NT5DC1: variants seen among roughly 807,000 people sequenced by gnomAD.
NT5DC1 encodes the protein 5'-nucleotidase domain containing 1.
In NT5DC1, 42 loss-of-function variants were observed where a neutral mutation model predicts 59.4. The observed-to-expected ratio is 0.71, with a 90% CI of 0.55 to 0.92. NT5DC1 has a LOEUF of 0.92. Ranked by LOEUF, NT5DC1 falls within the 40% of genes least tolerant of loss-of-function variation. The pLI, the probability that NT5DC1 is intolerant of heterozygous loss-of-function variation, is 0.00. For missense variants in NT5DC1, 501 were observed against 537.1 expected (o/e 0.93, Z 0.66); for synonymous variants, 172 against 188.1 (o/e 0.91, Z 0.70).
chr6:116,130,865 G>A (rs781631158), intron 6 of NT5DC1, among the ~76,000 whole-genome samples: 6 of 151,536 alleles, frequency 4.0e-5, no homozygotes, highest in South Asian at 4.2e-4. Flanking sequence ...ACCAATATTC[G>A]TACCAGAATA....
intron 6 of NT5DC1, among the ~76,000 whole-genome samples, chr6:116,139,248 C>T (rs770538617): frequency 2.6e-5 from 4 of 152,064 alleles, no homozygotes; most frequent in Admixed American, 6.5e-5. Flanking sequence ...AAAGAAGTCT[C>T]TCAGTCTACT....
At chr6:116,218,814 T>G (rs1337953612) in intron 6 of NT5DC1, among the ~76,000 whole-genome samples, 2 of 150,110 alleles carry the variant, frequency 1.3e-5, no homozygotes, top group Non-Finnish European at 2.9e-5. Context: ...TTTTGTTAGT[T>G]TTGGTCTGGT....
At chr6:116,188,225 C>A (rs1278563071) in intron 6 of NT5DC1, among the ~76,000 whole-genome samples, 1 of 151,970 alleles carries the variant, frequency 6.6e-6, no homozygotes, top group Non-Finnish European at 1.5e-5. Flanking sequence ...GCAAAGAGAA[C>A]CCTTAAACTG....
Position 116,248,148 on chromosome 6 carries a change from G to A in NT5DC1, c.*4124G>A, listed in dbSNP as rs1393356447. The A allele has an allele frequency of 1.3e-5, 2 of 152,202 alleles. No homozygotes were observed. Among genetic ancestry groups the A allele is most frequent in the Admixed American group, 6.5e-5 (1 of 15,278 alleles). The allele number at this position is 152,202 out of a possible 1,614,324, so 9.4% of individuals were successfully genotyped here. A position where few individuals can be genotyped will look rare whatever the true frequency, so the allele number is the denominator to read the frequency against. On this transcript the variant is annotated 3_prime_UTR_variant, in exon 12 of 12. Transcript: ENST00000319550. ...AACATTTGTATGCCAAATTTATTAC[G>A]ATAGCTGTGATAGAGTAGAAGTTAT...
intron 6 of NT5DC1, chr6:116,120,591 G>T: frequency 1.3e-6 from 2 of 1,587,516 alleles, no homozygotes; most frequent in Admixed American, 1.8e-5. Context: ...GGCCCAGGGG[G>T]CCCTGGAAGA....
At chr6:116,103,000 C>T (rs1478060667) in intron 1 of NT5DC1, among the ~76,000 whole-genome samples, 1 of 152,206 alleles carries the variant, frequency 6.6e-6, no homozygotes, top group Non-Finnish European at 1.5e-5. Flanking sequence ...TAAAGTTTGC[C>T]CTTCCATTCT....
intron 6 of NT5DC1, among the ~76,000 whole-genome samples, chr6:116,196,351 C>T (rs1262184898): frequency 6.6e-6 from 1 of 151,992 alleles, no homozygotes; most frequent in Admixed American, 6.6e-5. Flanking sequence ...ACTACAGCAA[C>T]AAAATATACA....
In NT5DC1 at chr6:116,187,943, A is replaced by T. The variant is rs151241114; in HGVS notation, c.530-33111A>T. 2.7e-4 allele frequency among the ~76,000 whole-genome samples: 41 copies of T among 152,218 alleles called. 1 individual carries two copies. The highest frequency in any genetic ancestry group is 3.4e-3 in the Middle Eastern group (1 of 294). On this transcript the variant is annotated intron_variant, in intron 6 of 11. Transcript: ENST00000319550. ...AGTTATAGAAGAGAAGATATTTGGA[A>T]TACATATAATGATAAAAAGACTTTT...
intron 6 of NT5DC1, among the ~76,000 whole-genome samples, chr6:116,172,584 T>C (rs1324766417): frequency 6.6e-6 from 1 of 152,102 alleles, no homozygotes; most frequent in Admixed American, 6.5e-5. Context: ...CCTCCCAAAG[T>C]GCTGGGATTA....
rs374691562 is a variant in NT5DC1 at position 116,121,360 on chromosome 6, T to C, written c.529+3415T>C. 11 of 1,613,944 alleles carry C rather than the reference T, an allele frequency of 6.8e-6. No individual in the cohort carries two copies. The African/African-American group carries it at 9.3e-5, about 14-fold the overall frequency. ...CTGGCCCTCGTTCCCCAGGAGGGCC[T>C]TGGGGACCTGGTGGGCCAATTGGTC... is the stretch of plus-strand genomic sequence containing the variant. On this transcript the variant is annotated intron_variant, in intron 6 of 11. Transcript: ENST00000319550.
At chr6:116,207,249 G>T (rs1781472705) in intron 6 of NT5DC1, among the ~76,000 whole-genome samples, 1 of 151,774 alleles carries the variant, frequency 6.6e-6, no homozygotes, top group Non-Finnish European at 1.5e-5. Context: ...TATGTCTTAA[G>T]AAATCATGGG....
intron 1 of NT5DC1, 95 bp downstream of exon 1, chr6:116,101,118 C>CG (rs1204229300): frequency 8.0e-6 from 7 of 871,986 alleles, no homozygotes; most frequent in African/African-American, 7.1e-5. Flanking sequence ...GGACGCTGCC[C>CG]GGGGCCTGCG....
intron 6 of NT5DC1, among the ~76,000 whole-genome samples, chr6:116,140,117 C>T (rs541803844): frequency 6.6e-6 from 1 of 152,236 alleles, no homozygotes; most frequent in South Asian, 2.1e-4. Context: ...AGTTGAATGC[C>T]GCCCTCCTAT....
At chr6:116,207,758 G>A (rs763527426) in intron 6 of NT5DC1, among the ~76,000 whole-genome samples, 5 of 151,846 alleles carry the variant, frequency 3.3e-5, no homozygotes, top group Non-Finnish European at 7.4e-5. Flanking sequence ...TCGTGCCCAG[G>A]TTCCCACTGT....
At chr6:116,194,719 G>C (rs1276316190) in intron 6 of NT5DC1, among the ~76,000 whole-genome samples, 4 of 151,996 alleles carry the variant, frequency 2.6e-5, no homozygotes, top group Non-Finnish European at 5.9e-5. Context: ...ATATTATTTA[G>C]AGTTTTGAAT....
chr6:116,154,189 T>C (rs973776513), intron 6 of NT5DC1, among the ~76,000 whole-genome samples: 1 of 152,182 alleles, frequency 6.6e-6, no homozygotes, highest in South Asian at 2.1e-4. Context: ...CTTTTGGCTA[T>C]TTAATTGTAG....
intron 6 of NT5DC1, among the ~76,000 whole-genome samples, chr6:116,169,349 C>T (rs1007918704): frequency 4.6e-5 from 7 of 152,186 alleles, no homozygotes; most frequent in African/African-American, 1.4e-4. Context: ...ATTTCCACAA[C>T]ATTTAAAAAA....
chr6:116,237,494 CG>C (rs1562177199), intron 9 of NT5DC1: 1 of 457,782 alleles, frequency 2.2e-6, no homozygotes, highest in African/African-American at 2.0e-5. Flanking sequence ...GCTGAGAGAT[CG>C]TGGGGTAACA....
At position 116,121,972 on chromosome 6, in the gene NT5DC1, C is replaced by T. The variant is rs183285488; in HGVS notation, c.529+4027C>T. ...CTCTTACTGCTATACCTAAAAGACA[C>T]ACCCAACACACCCACCCATAGAAGG... On this transcript the variant is annotated intron_variant, in intron 6 of 11. Transcript: ENST00000319550. 1.3e-5 allele frequency: 21 copies of T among 1,605,718 alleles called. No individual in the cohort carries two copies. The African/African-American group carries it at 2.0e-4, about 15-fold the overall frequency.
Sources: allele counts gnomAD v4.1 joint callset (sites outside exome capture counted in the v4.1 genomes callset), GRCh38; gene constraint gnomAD v4.1.1; transcripts MANE v1.5; gene names NCBI Gene and HGNC (gene_info 2026-07-23, HGNC 2026-07-21).